Variants in MUC5AC observed in about 807,000 individuals in gnomAD.
MUC5AC encodes the protein mucin-5AC.
In MUC5AC, 158 loss-of-function variants were observed where a neutral mutation model predicts 169.7. The ratio of observed to expected loss-of-function variants is 0.93; its 90% CI spans 0.82 to 1.06. The LOEUF is 1.06. Among genes scored for constraint, MUC5AC ranks in the 50% least tolerant of loss-of-function variants. The probability of loss-of-function intolerance (pLI) is 0.00; values close to 1 mark genes in which losing one functional copy is unlikely to be tolerated. For missense variants in MUC5AC, 4,359 were observed against 3,089.9 expected (o/e 1.41, Z -9.74); for synonymous variants, 1,975 against 1,237.0 (o/e 1.60, Z -12.52).
Position 1,184,771 on chromosome 11 carries a change from T to C in MUC5AC, c.6626T>C (p.Val2209Ala). Residue 2209 changes from valine (V) to alanine (A), a missense_variant, in exon 31 of 49, where the codon GTG becomes GCG. By Grantham distance (64) the Val-to-Ala change is moderately conservative. Transcript: ENST00000621226. Reference protein sequence around the residue: ...GPFKMCLNYEVRVLCCETPKG... With the variant: ...GPFKMCLNYEARVLCCETPKG... Reference sequence around the variant, plus strand: ...TTCAAGATGTGCCTCAACTACGAGGTGCGTGTGCTCTGCTGCGAGACCCCC... The same window carrying C: ...TTCAAGATGTGCCTCAACTACGAGGCGCGTGTGCTCTGCTGCGAGACCCCC... 1 of 649,540 alleles carries C rather than the reference T, an allele frequency of 1.5e-6. No individual in the cohort carries two copies. 40.2% of individuals were successfully genotyped at this position (649,540 alleles called of 1,614,324 possible).
chr11:1,171,641 CCACTCACT>C (rs1335077188), intron 15 of MUC5AC, among the ~76,000 whole-genome samples: 5 of 124,072 alleles, frequency 4.0e-5, no homozygotes, highest in Non-Finnish European at 8.5e-5. Flanking sequence ...ACCCACTCAC[CCACTCACT>C]CACTCACCCA....
chr11:1,195,374 C>T (rs1861243355), intron 36 of MUC5AC, 95 bp downstream of exon 36: 4 of 704,150 alleles, frequency 5.7e-6, no homozygotes, highest in African/African-American at 1.7e-5. Flanking sequence ...TTTCAGGGGG[C>T]TCCTGAGAGG....
At position 1,200,714 on chromosome 11, in the gene MUC5AC, G is replaced by A. The variant is rs748053006; in HGVS notation, c.*12G>A. 2.5e-5 allele frequency: 18 copies of A among 719,556 alleles called. No homozygotes were observed. The highest frequency in any genetic ancestry group is 1.3e-4 in the South Asian group (9 of 69,460). The allele number at this position is 719,556 out of a possible 1,614,324, so 44.6% of individuals were successfully genotyped here. ...CCCCCATGCACTGACCAGCACTGCC[G>A]CCCTCCTGACCTCCAAGGAGAACCT... On this transcript the variant is annotated 3_prime_UTR_variant, in exon 49 of 49. Transcript: ENST00000621226.
In MUC5AC at chr11:1,189,927, G is replaced by C. The variant is rs1397954465; in HGVS notation, c.11782G>C (p.Ala3928Pro). 4 of 764,866 alleles carry C rather than the reference G, an allele frequency of 5.2e-6. 1 individual carries two copies. The South Asian group carries it at 5.4e-5, about 10-fold the overall frequency. 47.4% of individuals were successfully genotyped at this position (764,866 alleles called of 1,614,324 possible). A position where few individuals can be genotyped will look rare whatever the true frequency, so the allele number is the denominator to read the frequency against. The change falls in exon 31 of 49, where the codon GCC becomes CCC. Residue 3928 changes from alanine to proline, a missense_variant. Ala to Pro is a conservative substitution (Grantham distance 27). Transcript: ENST00000621226. The part of the protein sequence containing the change: ...TPSPVPTTST[A>P]SVSKTSTSHV... ...CAGCCCCGTTCCCACCACCAGCACA[G>C]CCTCTGTTTCAAAGACCAGCACAAG...
chr11:1,180,230 C>T (rs1267828403), intron 27 of MUC5AC, 80 bp downstream of exon 27: 8 of 398,396 alleles, frequency 2.0e-5, no homozygotes, highest in Non-Finnish European at 4.4e-6. Context: ...GCCTCTGTGG[C>T]CCCAGCTTCC....
intron 40 of MUC5AC, among the ~76,000 whole-genome samples, chr11:1,197,262 C>T (rs1590153945): frequency 6.6e-6 from 1 of 152,180 alleles, no homozygotes; most frequent in East Asian, 1.9e-4. Context: ...GCAGGCCAGT[C>T]ACCCCACAGC....
At chr11:1,159,121 G>A (rs1486155891) in intron 1 of MUC5AC, among the ~76,000 whole-genome samples, 2 of 152,140 alleles carry the variant, frequency 1.3e-5, no homozygotes, top group Admixed American at 6.5e-5. Flanking sequence ...TCTCCCCCAC[G>A]GGGCTTGCAG....
Position 1,168,632 on chromosome 11 carries a change from G to T in MUC5AC, c.1568-10G>T, listed in dbSNP as rs542033565. 1.8e-4 allele frequency: 285 copies of T among 1,610,156 alleles called. No homozygotes were observed. The East Asian group carries it at 6.1e-3, about 35-fold the overall frequency. On this transcript the variant is annotated splice_polypyrimidine_tract_variant and intron_variant, in intron 13 of 48. Transcript: ENST00000621226. ...GCCCCCAGCAAAACCCTTGTCCTTT[G>T]TGTCCCCAGCCAACGTCACCATCTT...
At chr11:1,196,575 C>G (rs568079227) in intron 38 of MUC5AC, 42 bp from the exon 39 acceptor site, 14 of 762,046 alleles carry the variant, frequency 1.8e-5, no homozygotes, top group Non-Finnish European at 3.4e-5. Context: ...TCCTTCTCAC[C>G]GGAGGGAAAA....
At chr11:1,177,752 C>G (rs898528859) in intron 24 of MUC5AC, 119 bp downstream of exon 24, 1 of 356,172 alleles carries the variant, frequency 2.8e-6, no homozygotes. Context: ...GAGATGGAAG[C>G]GGGGTGGGAA....
chr11:1,169,219 C>A, intron 15 of MUC5AC, 193 bp downstream of exon 15: 1 of 938,554 alleles, frequency 1.1e-6, no homozygotes. Flanking sequence ...GAATGTGGGG[C>A]ATCTGCTTCA....
intron 19 of MUC5AC, 21 bp from the exon 20 acceptor site, chr11:1,176,129 CT>C (rs2133744281): frequency 2.5e-6 from 1 of 398,668 alleles, no homozygotes; most frequent in East Asian, 3.6e-5. Context: ...GGCTGGCCCC[CT>C]GACGGCCCCT....
rs1199713372 is a variant in MUC5AC at position 1,188,319 on chromosome 11, T to G, written c.10174T>G (p.Ser3392Ala). ...CTCTGCTCCCACAACCAGCACAACT[T>G]CTGCCCCTACAACCAGCACAACCTC... ...TTSAPTTSTT[S>A]APTTSTTSTP... Residue 3392 changes from serine to alanine, a missense_variant, in exon 31 of 49, where the codon TCT becomes GCT. Coordinates refer to ENST00000621226, the MANE Select transcript of MUC5AC (RefSeq NM_001304359.2). 1 of 692,638 alleles carries G rather than the reference T, an allele frequency of 1.4e-6. No individual in the cohort carries two copies. The highest frequency in any genetic ancestry group is 2.6e-6 in the Non-Finnish European group (1 of 380,096). The allele number at this position is 692,638 out of a possible 1,614,324, so 42.9% of individuals were successfully genotyped here.
At chr11:1,169,120 T>C in intron 15 of MUC5AC, 94 bp downstream of exon 15, 1 of 1,429,160 alleles carries the variant, frequency 7.0e-7, no homozygotes. Context: ...CGGCCCTGCG[T>C]GTGCCTGTGA....
Position 1,182,474 on chromosome 11 carries a change from G to A in MUC5AC, c.4329G>A (p.Gly1443=). The A allele has an allele frequency of 2.5e-6, 1 of 398,696 alleles. No homozygotes were observed. Among genetic ancestry groups the A allele is most frequent in the Non-Finnish European group, 4.4e-6 (1 of 226,116 alleles). The allele number at this position is 398,696 out of a possible 1,614,324, so 24.7% of individuals were successfully genotyped here. Residue 1443 remains glycine (G), a synonymous_variant, in exon 31 of 49, where the codon GGG becomes GGA. Coordinates refer to ENST00000621226, the MANE Select transcript of MUC5AC (RefSeq NM_001304359.2). ...DAPGVPLRAL[G]QRVQCSPDVG... is the part of the protein sequence containing the mutation. The stretch of plus-strand genomic sequence containing the variant: ...CCGGAGTGCCGCTCCGAGCCCTGGG[G>A]CAGCGTGTGCAGTGCAGCCCGGATG...
At chr11:1,160,710 C>A in intron 2 of MUC5AC, 21 bp downstream of exon 2, 1 of 1,600,210 alleles carries the variant, frequency 6.2e-7, no homozygotes, top group Non-Finnish European at 8.5e-7. Context: ...GTGTCCGGCC[C>A]CCACCCTAAG....
rs758626882 is a variant in MUC5AC, at chr11:1,192,396, C to T, written c.14251C>T (p.Leu4751=). ...TCCTACCAATGCTCTGTATCCTTCC[C>T]TGTCTACTTCCATGGTATCCGCCTC... ...TSPTNALYPS[L]STSMVSASVA... Residue 4751 remains leucine, a synonymous_variant, in exon 31 of 49, where the codon CTG becomes TTG. Transcript: ENST00000621226. The T allele has an allele frequency of 3.9e-6, 3 of 765,056 alleles. No homozygotes were observed. Among genetic ancestry groups the T allele is most frequent in the Non-Finnish European group, 7.2e-6 (3 of 417,920 alleles). The allele number at this position is 765,056 out of a possible 1,614,324, so 47.4% of individuals were successfully genotyped here.
In MUC5AC at chr11:1,186,340, C is replaced by T; in HGVS notation, c.8195C>T (p.Thr2732Ile). The change falls in exon 31 of 49, where the codon ACA becomes ATA. Residue 2732 changes from threonine (T) to isoleucine (I), a missense_variant. Coordinates refer to ENST00000621226, the MANE Select transcript of MUC5AC (RefSeq NM_001304359.2). The part of the protein sequence containing the change: ...TSTISAPTTS[T>I]TSATTTSTTS... ...ACAATCTCGGCCCCAACAACCAGCACAACCTCTGCCACTACAACCAGCACG... is the reference window on the plus strand; with the variant it reads ...ACAATCTCGGCCCCAACAACCAGCATAACCTCTGCCACTACAACCAGCACG... 1 of 720,330 alleles carries T rather than the reference C, an allele frequency of 1.4e-6. No homozygotes were observed. The highest frequency in any genetic ancestry group is 2.5e-6 in the Non-Finnish European group (1 of 395,332). The allele number at this position is 720,330 out of a possible 1,614,324, so 44.6% of individuals were successfully genotyped here.
chr11:1,195,514 G>C (rs900318484), intron 36 of MUC5AC, among the ~76,000 whole-genome samples: 2 of 152,094 alleles, frequency 1.3e-5, no homozygotes, highest in Non-Finnish European at 2.9e-5. Context: ...TGCTGCCAAG[G>C]GGTCACCAGG....
Sources: gnomAD v4.1 joint callset for allele counts (sites outside exome capture counted in the v4.1 genomes callset) on GRCh38, gnomAD v4.1.1 for gene constraint, MANE v1.5 for transcripts, NCBI Gene and HGNC (gene_info 2026-07-23, HGNC 2026-07-21) for gene names.